The following AS3MT variants were observed in gnomAD, a reference collection of about 807,000 sequenced individuals.
AS3MT encodes the protein S-adenosyl-L-methionine:arsenic(III) methyltransferase.
A neutral mutation model predicts 45.3 loss-of-function variants in AS3MT; 47 were observed. The ratio of observed to expected loss-of-function variants is 1.04; its 90% CI spans 0.82 to 1.32. AS3MT has a LOEUF of 1.32. Ranked by LOEUF, AS3MT falls within the 40% of genes most tolerant of loss-of-function variation. The pLI is 0.00. For missense variants in AS3MT, 396 were observed against 451.1 expected (o/e 0.88, Z 1.11); for synonymous variants, 141 against 152.8 (o/e 0.92, Z 0.57).
chr10:102,878,497 G>T lies in AS3MT; in HGVS notation c.729G>T (p.Leu243=). The change falls in exon 8 of 11, where the codon CTG becomes CTT. Residue 243 remains leucine, a synonymous_variant. Transcript: ENST00000369880. ...TCATTACAATTCAAAACAAGGAACT[G>T]GAAAGAGTTATCGGTAAGATATGAC... ...ANLITIQNKE[L]ERVIGDCRFV... 1.9e-6 allele frequency: 3 copies of T among 1,613,894 alleles called. No homozygotes were observed. The highest frequency in any genetic ancestry group is 2.5e-6 in the Non-Finnish European group (3 of 1,179,946).
In AS3MT at chr10:102,901,338, CACCTACCACCATGCCCAGCTA is replaced by C. The variant is rs1316910598; in HGVS notation, c.*640_*660del. 6.6e-6 allele frequency: 1 copy of C among 151,910 alleles called. No individual in the cohort carries two copies. Among genetic ancestry groups the C allele is most frequent in the African/African-American group, 2.4e-5 (1 of 41,350 alleles). 9.4% of individuals were successfully genotyped at this position (151,910 alleles called of 1,614,324 possible). Reference sequence around the variant, plus strand: ...ACTCCCAAGTAGCTGGGACTACAGGCACCTACCACCATGCCCAGCTAATTTTTTGTATTTTTAGTAGAGACG... The same window carrying C: ...ACTCCCAAGTAGCTGGGACTACAGGCATTTTTTGTATTTTTAGTAGAGACG... On this transcript the variant is annotated 3_prime_UTR_variant, in exon 11 of 11. Transcript: ENST00000369880.
chr10:102,882,636 C>T (rs939559696), intron 9 of AS3MT, among the ~76,000 whole-genome samples: 1 of 152,044 alleles, frequency 6.6e-6, no homozygotes, highest in Non-Finnish European at 1.5e-5. Context: ...GTTGCCTAGG[C>T]TGGAGTGCAG....
rs559312927 is a variant in AS3MT, at chr10:102,878,889, A to C, written c.783A>C (p.Lys261Asn). The change falls in exon 9 of 11, where the codon AAA becomes AAC. Residue 261 changes from lysine to asparagine, a missense_variant. By Grantham distance (94) the Lys-to-Asn change is moderately conservative. Transcript: ENST00000369880. ...TTTCTGCAACATTTCGCCTCTTCAAACACTCTAAGACAGGACCAACCAAGA... is the reference window on the plus strand; with the variant it reads ...TTTCTGCAACATTTCGCCTCTTCAACCACTCTAAGACAGGACCAACCAAGA... ...RFVSATFRLF[K>N]HSKTGPTKRC... The C allele has an allele frequency of 1.7e-5, 28 of 1,613,516 alleles. No homozygotes were observed. Among genetic ancestry groups the C allele is most frequent in the Non-Finnish European group, 2.1e-5 (25 of 1,179,816 alleles).
intron 9 of AS3MT, among the ~76,000 whole-genome samples, chr10:102,889,996 T>C (rs1480709060): frequency 7.1e-6 from 1 of 141,792 alleles, no homozygotes; most frequent in African/African-American, 2.6e-5. Flanking sequence ...TTTCTTTTCT[T>C]TTTTTTTTTT....
At chr10:102,888,881 A>ATATTTTTTTTT (rs1491503446) in intron 9 of AS3MT, among the ~76,000 whole-genome samples, 32 of 52,510 alleles carry the variant, frequency 6.1e-4, no homozygotes, top group Non-Finnish European at 9.7e-4. Context: ...ATATATATAT[A>ATATTTTTTTTT]TTTTTTTTTT....
chr10:102,877,559 CAAAA>C (rs199723619), intron 7 of AS3MT, among the ~76,000 whole-genome samples: 3 of 94,390 alleles, frequency 3.2e-5, no homozygotes, highest in Admixed American at 1.1e-4. Context: ...TGGAAAGTGC[CAAAA>C]AAAAAAAAAA....
At position 102,881,461 on chromosome 10, in the gene AS3MT, C is replaced by G. The variant is rs1844866073; in HGVS notation, c.885+2470C>G. 6.6e-6 allele frequency among the ~76,000 whole-genome samples: 1 copy of G among 152,180 alleles called. No homozygotes were observed. The highest frequency in any genetic ancestry group is 2.4e-5 in the African/African-American group (1 of 41,438). ...GGCGTGCTACTCATTAGATGCTAAT[C>G]TCATTTACTGAGGAACACAGAATTG... On this transcript the variant is annotated intron_variant, in intron 9 of 10. Coordinates refer to ENST00000369880, the MANE Select transcript of AS3MT (RefSeq NM_020682.4). The surrounding 1 kb of genome is among the most constrained non-coding windows in gnomAD (Gnocchi z 4.2).
At position 102,878,874 on chromosome 10, in the gene AS3MT, A is replaced by G; in HGVS notation, c.768A>G (p.Thr256=). ...VIGDCRFVSA[T]FRLFKHSKTG... is the part of the protein sequence containing the mutation. ...GTGACTGTCGTTTTGTTTCTGCAAC[A>G]TTTCGCCTCTTCAAACACTCTAAGA... The change falls in exon 9 of 11, where the codon ACA becomes ACG. Residue 256 remains threonine, a synonymous_variant. Transcript: ENST00000369880. The G allele has an allele frequency of 6.2e-7, 1 of 1,613,386 alleles. No homozygotes were observed.
chr10:102,886,332 C>CTT (rs147355245), intron 9 of AS3MT, among the ~76,000 whole-genome samples: 6 of 114,366 alleles, frequency 5.2e-5, no homozygotes, highest in African/African-American at 9.8e-5. Context: ...TCCATTCTTT[C>CTT]TTTTTTTTTT....
At chr10:102,887,229 G>A (rs903152563) in intron 9 of AS3MT, among the ~76,000 whole-genome samples, 4 of 152,182 alleles carry the variant, frequency 2.6e-5, no homozygotes, top group African/African-American at 9.6e-5. Context: ...GTTAAGACTT[G>A]TTTTGTGGCC....
At chr10:102,886,491 AT>A (rs994404933) in intron 9 of AS3MT, among the ~76,000 whole-genome samples, 2 of 151,008 alleles carry the variant, frequency 1.3e-5, no homozygotes, top group Non-Finnish European at 3.0e-5. Context: ...CGCCTGGCTA[AT>A]TTTTTTGTAT....
intron 3 of AS3MT, 95 bp downstream of exon 3, chr10:102,870,306 C>T (rs981231341): frequency 3.9e-5 from 57 of 1,449,850 alleles, no homozygotes; most frequent in Non-Finnish European, 4.5e-5. Context: ...CCGTAGCCAC[C>T]AACCCATCAG....
Position 102,872,467 on chromosome 10 carries a change from G to A in AS3MT, c.190G>A (p.Val64Met). 1.9e-6 allele frequency: 3 copies of A among 1,614,048 alleles called. No individual in the cohort carries two copies. Among genetic ancestry groups the A allele is most frequent in the Non-Finnish European group, 1.7e-6 (2 of 1,179,978 alleles). The stretch of plus-strand genomic sequence containing the variant: ...TCCCAGATATTATGGCTGTGGTCTG[G>A]TGATCCCTGAGCATCTAGAAAACTG... ...VALRYYGCGL[V>M]IPEHLENCWI... Residue 64 changes from valine (V) to methionine (M), a missense_variant, in exon 4 of 11, where the codon GTG becomes ATG. Physicochemically the swap from Val to Met is conservative, Grantham distance 21. Coordinates refer to ENST00000369880, the MANE Select transcript of AS3MT (RefSeq NM_020682.4).
rs1467418383 is a variant in AS3MT, at chr10:102,869,824, TGA to T, written c.24_25del (p.Glu8AspfsTer59). ...CGACAGTGGCTGCACTTCGTGACGC[TGA>T]GATACAGAAGGACGTGCAGGTGAGA... is the stretch of plus-strand genomic sequence containing the variant. MAALRDAEIQKDVQTYYG... is the reference protein window; with the variant it reads MAALRDAXIQKDVQTYYG... On this transcript the variant is annotated frameshift_variant, in exon 2 of 11. Transcript: ENST00000369880. LOFTEE classifies it high-confidence loss of function. The T allele has an allele frequency of 1.9e-6, 3 of 1,613,946 alleles. No individual in the cohort carries two copies. The African/African-American group carries it at 4.0e-5, about 22-fold the overall frequency.
chr10:102,895,736 A>G (rs1845155807), intron 10 of AS3MT, among the ~76,000 whole-genome samples: 1 of 151,714 alleles, frequency 6.6e-6, no homozygotes, highest in African/African-American at 2.4e-5. Context: ...CTCCATCTCA[A>G]AAAAACAAAA....
Position 102,882,377 on chromosome 10 carries a change from A to G in AS3MT, c.885+3386A>G, listed in dbSNP as rs1480934600. The stretch of plus-strand genomic sequence containing the variant: ...TTTTTTTGGTCTAAATAGCATCTCC[A>G]GATTTCTTTTTTTTTTTTAATTTAA... On this transcript the variant is annotated intron_variant, in intron 9 of 10. Coordinates refer to ENST00000369880, the MANE Select transcript of AS3MT (RefSeq NM_020682.4). Among the ~76,000 whole-genome samples, 3 of 145,624 alleles carry G rather than the reference A, an allele frequency of 2.1e-5. No homozygotes were observed. In the East Asian group the frequency reaches 6.1e-4, roughly 30 times the overall value.
rs1844862972 is a variant in AS3MT at position 102,881,176 on chromosome 10, C to T, written c.885+2185C>T. ...GAGGGAAACAGTGTAGTTAGAGGAACAGATGAAGTCAGAACACTCACATGC... is the reference window on the plus strand; with the variant it reads ...GAGGGAAACAGTGTAGTTAGAGGAATAGATGAAGTCAGAACACTCACATGC... On this transcript the variant is annotated intron_variant, in intron 9 of 10. Coordinates refer to ENST00000369880, the MANE Select transcript of AS3MT (RefSeq NM_020682.4). The surrounding 1 kb of genome is among the most constrained non-coding windows in gnomAD (Gnocchi z 4.2). Among the ~76,000 whole-genome samples, 1 of 152,196 alleles carries T rather than the reference C, an allele frequency of 6.6e-6. No individual in the cohort carries two copies. Among genetic ancestry groups the T allele is most frequent in the Admixed American group, 6.6e-5 (1 of 15,262 alleles).
chr10:102,872,798 C>T (rs1394615865), intron 4 of AS3MT, among the ~76,000 whole-genome samples, 200 bp downstream of exon 4: 4 of 152,134 alleles, frequency 2.6e-5, no homozygotes, highest in Admixed American at 6.5e-5. Context: ...ACACAAGAGT[C>T]GGAGGTTTGC....
intron 10 of AS3MT, among the ~76,000 whole-genome samples, chr10:102,898,265 A>T (rs1317307718): frequency 6.6e-6 from 1 of 152,112 alleles, no homozygotes; most frequent in African/African-American, 2.4e-5. Flanking sequence ...GATATGCAAA[A>T]TGTATTTTGC....
Sources: gnomAD v4.1 joint callset for allele counts (sites outside exome capture counted in the v4.1 genomes callset) on GRCh38, gnomAD v4.1.1 for gene constraint, Gnocchi (gnomAD v3.1) non-coding constraint, MANE v1.5 for transcripts, NCBI Gene and HGNC (gene_info 2026-07-23, HGNC 2026-07-21) for gene names.